The following CNTN5 variants were observed in gnomAD, a reference collection of about 807,000 sequenced individuals.
CNTN5 encodes the protein contactin-5.
CNTN5 carries 77 observed loss-of-function variants against 129.1 expected under a neutral mutation model. The ratio of observed to expected loss-of-function variants is 0.60; its 90% CI spans 0.50 to 0.72. The LOEUF (loss-of-function observed/expected upper bound fraction) is 0.72, where lower values mean the gene tolerates loss of function less well. Ranked by LOEUF, CNTN5 falls within the 30% of genes least tolerant of loss-of-function variation. The pLI, the probability that CNTN5 is intolerant of heterozygous loss-of-function variation, is 0.00. For synonymous variants in CNTN5, 509 were observed against 465.6 expected (o/e 1.09, Z -1.20); for missense variants, 1,478 against 1,328.8 (o/e 1.11, Z -1.75).
At chr11:99,585,558 A>G (rs889017900) in intron 3 of CNTN5, among the ~76,000 whole-genome samples, 4 of 152,180 alleles carry the variant, frequency 2.6e-5, no homozygotes, top group Non-Finnish European at 5.9e-5. Context: ...AAGATCATTT[A>G]ATACATAATT....
At chr11:99,838,252 A>T (rs180873475) in intron 4 of CNTN5, among the ~76,000 whole-genome samples, 6 of 152,326 alleles carry the variant, frequency 3.9e-5, no homozygotes, top group African/African-American at 1.2e-4. Flanking sequence ...ATTTTTGGAA[A>T]TGATGCCTGA....
intron 3 of CNTN5, among the ~76,000 whole-genome samples, chr11:99,659,938 C>T (rs1302084869): frequency 6.6e-6 from 1 of 152,168 alleles, no homozygotes; most frequent in East Asian, 1.9e-4. Flanking sequence ...AAATTATGAG[C>T]CACACATGTG....
At chr11:99,155,064 C>G (rs1860266070) in intron 1 of CNTN5, among the ~76,000 whole-genome samples, 1 of 152,084 alleles carries the variant, frequency 6.6e-6, no homozygotes, top group African/African-American at 2.4e-5. Context: ...TCTCCTGCTA[C>G]CAGGATCCAT....
intron 3 of CNTN5, among the ~76,000 whole-genome samples, chr11:99,578,810 C>G (rs1351621639): frequency 1.3e-5 from 2 of 152,142 alleles, no homozygotes; most frequent in Non-Finnish European, 2.9e-5. Context: ...GTTTCTTTTG[C>G]TGTGCAGAAG....
chr11:99,791,591 C>G (rs982317817), intron 3 of CNTN5, among the ~76,000 whole-genome samples: 3 of 152,110 alleles, frequency 2.0e-5, no homozygotes, highest in African/African-American at 4.8e-5. Context: ...ATTGCCTTGG[C>G]TATTCAAGCT....
intron 3 of CNTN5, among the ~76,000 whole-genome samples, chr11:99,616,596 ATTATATAGCAGT>A (rs60403121): frequency 0.069 from 10,568 of 152,252 alleles, 409 homozygotes; most frequent in East Asian, 0.11. Flanking sequence ...ATAATAGGCT[ATTATATAGCAGT>A]TTATATAGCA....
At chr11:99,982,347 TAA>T (rs1938400908) in intron 8 of CNTN5, among the ~76,000 whole-genome samples, 1 of 152,136 alleles carries the variant, frequency 6.6e-6, no homozygotes, top group Non-Finnish European at 1.5e-5. Context: ...AAATAAATGA[TAA>T]AAATGCTATT....
chr11:99,340,164 G>T (rs568255524), intron 2 of CNTN5, among the ~76,000 whole-genome samples: 4 of 152,304 alleles, frequency 2.6e-5, no homozygotes, highest in African/African-American at 9.6e-5. Context: ...GATTCTTCTT[G>T]TTGAGATTGG....
intron 13 of CNTN5, among the ~76,000 whole-genome samples, chr11:100,137,848 A>C (rs1946575274): frequency 1.3e-5 from 2 of 152,268 alleles, no homozygotes; most frequent in African/African-American, 4.8e-5. Flanking sequence ...CATTACCCAT[A>C]TTTCTTAATC....
At chr11:99,036,079 G>A (rs565655044) in intron 1 of CNTN5, among the ~76,000 whole-genome samples, 1 of 151,646 alleles carries the variant, frequency 6.6e-6, no homozygotes, top group African/African-American at 2.4e-5. Flanking sequence ...TCTTTTCTTT[G>A]AGAATGTTGA....
chr11:100,149,858 C>A (rs1251917391), intron 13 of CNTN5, among the ~76,000 whole-genome samples: 2 of 136,648 alleles, frequency 1.5e-5, no homozygotes, highest in Non-Finnish European at 3.0e-5. Flanking sequence ...TGTGCCACTG[C>A]ATTCCAGCCT....
At chr11:99,425,224 T>C (rs1048511040) in intron 2 of CNTN5, among the ~76,000 whole-genome samples, 1 of 152,164 alleles carries the variant, frequency 6.6e-6, no homozygotes, top group Non-Finnish European at 1.5e-5. Context: ...AACCATCTGA[T>C]TGGCCAAACA....
intron 1 of CNTN5, among the ~76,000 whole-genome samples, chr11:99,087,642 C>T (rs752101149): frequency 8.5e-5 from 13 of 152,156 alleles, no homozygotes; most frequent in African/African-American, 2.4e-4. Flanking sequence ...TCCGTTAGGA[C>T]CCAGAGTATA....
At chr11:99,796,464 T>A (rs1309434495) in intron 3 of CNTN5, among the ~76,000 whole-genome samples, 1 of 152,004 alleles carries the variant, frequency 6.6e-6, no homozygotes, top group Non-Finnish European at 1.5e-5. Flanking sequence ...GGGGGGTAAG[T>A]GCGAGTGACC....
chr11:100,287,855 G>A (rs922864683), intron 18 of CNTN5, among the ~76,000 whole-genome samples: 9 of 152,098 alleles, frequency 5.9e-5, no homozygotes, highest in Non-Finnish European at 1.3e-4. Flanking sequence ...GCTATATTCA[G>A]GAAACCCATC....
intron 6 of CNTN5, among the ~76,000 whole-genome samples, chr11:99,860,453 T>C (rs981705170): frequency 6.6e-6 from 1 of 152,158 alleles, no homozygotes; most frequent in South Asian, 2.1e-4. Flanking sequence ...TACATTTAAG[T>C]CTTTAATCTT....
chr11:99,407,321 T>C (rs1942120900), intron 2 of CNTN5, among the ~76,000 whole-genome samples: 1 of 152,164 alleles, frequency 6.6e-6, no homozygotes, highest in African/African-American at 2.4e-5. Context: ...GGTTCCCTTC[T>C]GGCTCAGGGT....
At chr11:99,927,846 C>T (rs1232685667) in intron 7 of CNTN5, among the ~76,000 whole-genome samples, 1 of 152,120 alleles carries the variant, frequency 6.6e-6, no homozygotes, top group Non-Finnish European at 1.5e-5. Flanking sequence ...TTCTAACAGT[C>T]CCCAAAAATC....
At chr11:99,334,024 T>TTCATTATTG (rs1476227811) in intron 2 of CNTN5, among the ~76,000 whole-genome samples, 11 of 151,654 alleles carry the variant, frequency 7.3e-5, no homozygotes, top group East Asian at 3.9e-4. Context: ...TTATTAAAAA[T>TTCATTATTG]ATAAATTATC....
Sources: allele counts gnomAD v4.1 joint callset (sites outside exome capture counted in the v4.1 genomes callset), GRCh38; gene constraint gnomAD v4.1.1; transcripts MANE v1.5; gene names NCBI Gene and HGNC (gene_info 2026-07-23, HGNC 2026-07-21).